The following OR6P1 variants were observed in gnomAD, a reference collection of about 807,000 sequenced individuals.
OR6P1 encodes olfactory receptor family 6 subfamily P member 1.
A neutral mutation model predicts 6.6 loss-of-function variants in OR6P1; 5 were observed. The ratio of observed to expected loss-of-function variants is 0.76; its 90% CI spans 0.40 to 1.60. The LOEUF is 1.60. OR6P1 is among the 40% of genes most tolerant of loss of function. OR6P1 has a pLI of 0.02. For missense variants in OR6P1, 451 were observed against 383.0 expected (o/e 1.18, Z -1.48); for synonymous variants, 177 against 149.6 (o/e 1.18, Z -1.33).
Position 158,561,247 on chromosome 1 carries a change from C to A in OR6P1, c.*1404G>T, listed in dbSNP as rs1647943412. Reference sequence around the variant, plus strand: ...TCTGAACTCCATGTCTCTCATAATTCTATGAAAGGAGAGGAGAATGTAATG... The same window carrying A: ...TCTGAACTCCATGTCTCTCATAATTATATGAAAGGAGAGGAGAATGTAATG... On this transcript the variant is annotated 3_prime_UTR_variant, in exon 3 of 3. Transcript: ENST00000641540. 6.6e-6 allele frequency: 1 copy of A among 152,074 alleles called. No homozygotes were observed. Among genetic ancestry groups the A allele is most frequent in the African/African-American group, 2.4e-5 (1 of 41,392 alleles). 9.4% of individuals were successfully genotyped at this position (152,074 alleles called of 1,614,324 possible).
At position 158,563,414 on chromosome 1, in the gene OR6P1, C is replaced by T. The variant is rs1375820709; in HGVS notation, c.191G>A (p.Gly64Asp). The change falls in exon 3 of 3, where the codon GGC becomes GAC. Residue 64 changes from glycine (G) to aspartate (D), a missense_variant. Physicochemically the swap from Gly to Asp is moderately conservative, Grantham distance 94. Transcript: ENST00000641540. ...CCATAGCTCCAGGAAAGAGAGATGG[C>T]CAAGGAAAAAGTACATGGGACGATG... is the stretch of plus-strand genomic sequence containing the variant. ...SLHRPMYFFL[G>D]HLSFLELWYI... 3.9e-6 allele frequency: 6 copies of T among 1,550,810 alleles called. No individual in the cohort carries two copies. The highest frequency in any genetic ancestry group is 1.2e-5 in the South Asian group (1 of 83,938).
intron 1 of OR6P1, among the ~76,000 whole-genome samples, chr1:158,567,840 A>C (rs180814178): frequency 0.014 from 2,162 of 151,620 alleles, 66 homozygotes; most frequent in African/African-American, 0.05. Flanking sequence ...CACACACACA[A>C]AAAAGAAATT....
At chr1:158,565,422 G>C (rs1444205248) in intron 2 of OR6P1, among the ~76,000 whole-genome samples, 2 of 152,024 alleles carry the variant, frequency 1.3e-5, no homozygotes, top group Non-Finnish European at 2.9e-5. Context: ...TTTCACCAAA[G>C]TCACAATTCA....
rs12080815 is a variant in OR6P1 at position 158,563,350 on chromosome 1, A to C, written c.255T>G (p.Phe85Leu). 1 of 1,551,194 alleles carries C rather than the reference A, an allele frequency of 6.4e-7. No individual in the cohort carries two copies. Among genetic ancestry groups the C allele is most frequent in the Non-Finnish European group, 8.7e-7 (1 of 1,146,854 alleles). ...NVTIPRLLAA[F>L]LTQDGRVSYV... Reference sequence around the variant, plus strand: ...AGGAGACTCTACCATCCTGGGTAAGAAAGGCTGCCAAGAGCCGAGGAATGG... The same window carrying C: ...AGGAGACTCTACCATCCTGGGTAAGCAAGGCTGCCAAGAGCCGAGGAATGG... The change falls in exon 3 of 3, where the codon TTT (phenylalanine) becomes TTG (leucine). Residue 85 changes from phenylalanine to leucine, a missense_variant. Physicochemically the swap from Phe to Leu is conservative, Grantham distance 22. Coordinates refer to ENST00000641540, the MANE Select transcript of OR6P1 (RefSeq NM_001160325.2).
chr1:158,563,077 G>T lies in OR6P1; in HGVS notation c.528C>A (p.His176Gln). Residue 176 changes from histidine (H) to glutamine (Q), a missense_variant, in exon 3 of 3, where the codon CAC becomes CAA. Coordinates refer to ENST00000641540, the MANE Select transcript of OR6P1 (RefSeq NM_001160325.2). The part of the protein sequence containing the change: ...LSYCGPNIIN[H>Q]FFCDISPLLN... ...GTAGTGGGGAAATATCACAGAAAAAGTGGTTGATAATGTTGGGTCCACAGT... is the reference window on the plus strand; with the variant it reads ...GTAGTGGGGAAATATCACAGAAAAATTGGTTGATAATGTTGGGTCCACAGT... 6.4e-7 allele frequency: 1 copy of T among 1,551,890 alleles called. No individual in the cohort carries two copies.
Position 158,563,521 on chromosome 1 carries a change from A to C in OR6P1, c.84T>G (p.Phe28Leu), listed in dbSNP as rs988609009. Residue 28 changes from phenylalanine to leucine, a missense_variant, in exon 3 of 3, where the codon TTT (phenylalanine) becomes TTG (leucine). By Grantham distance (22) the Phe-to-Leu change is conservative (BLOSUM62 0). Transcript: ENST00000641540. ...PTTPPLQLLL[F>L]VLFFAIYLLT... ...GAAGGTAAATTGCAAAAAAAAGGACAAAGAGGAGCAGCTGGAGGGGAGGCG... is the reference window on the plus strand; with the variant it reads ...GAAGGTAAATTGCAAAAAAAAGGACCAAGAGGAGCAGCTGGAGGGGAGGCG... The C allele has an allele frequency of 1.3e-5, 20 of 1,551,386 alleles. No homozygotes were observed. Among genetic ancestry groups the C allele is most frequent in the Non-Finnish European group, 1.7e-5 (20 of 1,146,946 alleles).
rs1156436638 is a variant in OR6P1, at chr1:158,561,154, A to G, written c.*1497T>C. Reference sequence around the variant, plus strand: ...AGCAGAGATGTAAAGTTTCTTGCCTATGATCACATAACTTGTTATTAGTAA... The same window carrying G: ...AGCAGAGATGTAAAGTTTCTTGCCTGTGATCACATAACTTGTTATTAGTAA... On this transcript the variant is annotated 3_prime_UTR_variant, in exon 3 of 3. Coordinates refer to ENST00000641540, the MANE Select transcript of OR6P1 (RefSeq NM_001160325.2). 6.6e-6 allele frequency: 1 copy of G among 152,184 alleles called. No individual in the cohort carries two copies. The highest frequency in any genetic ancestry group is 1.5e-5 in the Non-Finnish European group (1 of 68,006). The allele number at this position is 152,184 out of a possible 1,614,324, so 9.4% of individuals were successfully genotyped here. A position where few individuals can be genotyped will look rare whatever the true frequency, so the allele number is the denominator to read the frequency against.
At chr1:158,567,560 C>T (rs760625324) in intron 1 of OR6P1, among the ~76,000 whole-genome samples, 1,894 of 145,086 alleles carry the variant, frequency 0.013, 14 homozygotes, top group Non-Finnish European at 0.018. Context: ...AACCAAACAC[C>T]GCATATTCTC....
intron 2 of OR6P1, among the ~76,000 whole-genome samples, chr1:158,565,913 A>G (rs1648086209): frequency 6.6e-6 from 1 of 152,202 alleles, no homozygotes; most frequent in Non-Finnish European, 1.5e-5. Flanking sequence ...ATTCAGTAAC[A>G]TATCATCAAA....
intron 2 of OR6P1, among the ~76,000 whole-genome samples, chr1:158,564,118 G>A (rs1359228396): frequency 6.6e-6 from 1 of 152,206 alleles, no homozygotes; most frequent in African/African-American, 2.4e-5. Flanking sequence ...GCAGTATGAA[G>A]ATTGCTCTGA....
rs754375931 is a variant in OR6P1 at position 158,560,860 on chromosome 1, A to T, written c.*1791T>A. ...AAGTAGCTTGAAGCTATTATTTCCC[A>T]CTAGATATCCTTAATACATTCATCA... On this transcript the variant is annotated 3_prime_UTR_variant, in exon 3 of 3. Transcript: ENST00000641540. The T allele has an allele frequency of 1.3e-5, 2 of 152,160 alleles. No homozygotes were observed. Among genetic ancestry groups the T allele is most frequent in the Non-Finnish European group, 2.9e-5 (2 of 68,022 alleles). 9.4% of individuals were successfully genotyped at this position (152,160 alleles called of 1,614,324 possible).
Position 158,562,501 on chromosome 1 carries a change from T to C in OR6P1, c.*150A>G. The C allele has an allele frequency of 1.7e-6, 1 of 603,146 alleles. No individual in the cohort carries two copies. The highest frequency in any genetic ancestry group is 2.9e-6 in the Non-Finnish European group (1 of 342,610). 37.4% of individuals were successfully genotyped at this position (603,146 alleles called of 1,614,324 possible). ...ACCCCTGTAAAAAATAAATGATTCA[T>C]AAAGTTTCATTTGTATCAGAAGGTC... On this transcript the variant is annotated 3_prime_UTR_variant, in exon 3 of 3. Coordinates refer to ENST00000641540, the MANE Select transcript of OR6P1 (RefSeq NM_001160325.2).
chr1:158,568,370 C>T (rs999724624), intron 1 of OR6P1, among the ~76,000 whole-genome samples: 1 of 152,148 alleles, frequency 6.6e-6, no homozygotes, highest in Non-Finnish European at 1.5e-5. Context: ...CCTTCCTCCT[C>T]TATTAGTGCT....
chr1:158,566,554 T>C (rs897492861), intron 2 of OR6P1, among the ~76,000 whole-genome samples: 6 of 152,194 alleles, frequency 3.9e-5, no homozygotes, highest in African/African-American at 1.4e-4. Flanking sequence ...TCCTTACCCC[T>C]CTATTATCAG....
intron 1 of OR6P1, among the ~76,000 whole-genome samples, chr1:158,569,168 T>A (rs912716973): frequency 6.6e-6 from 1 of 152,170 alleles, no homozygotes; most frequent in African/African-American, 2.4e-5. Context: ...CTGAGAATTA[T>A]TTGCCCATAA....
chr1:158,563,853 T>C (rs1179727096), intron 2 of OR6P1, among the ~76,000 whole-genome samples: 1 of 152,238 alleles, frequency 6.6e-6, no homozygotes, highest in Non-Finnish European at 1.5e-5. Flanking sequence ...GATAAATACT[T>C]TCTGAGTGAT....
At chr1:158,570,017 T>G (rs73014258) in intron 1 of OR6P1, among the ~76,000 whole-genome samples, 1,708 of 152,350 alleles carry the variant, frequency 0.011, 25 homozygotes, top group African/African-American at 0.039. Flanking sequence ...GATATAGACT[T>G]AATATGATAG....
rs1271589082 is a variant in OR6P1 at position 158,563,516 on chromosome 1, A to T, written c.89T>A (p.Leu30His). 6.4e-7 allele frequency: 1 copy of T among 1,551,566 alleles called. No homozygotes were observed. The highest frequency in any genetic ancestry group is 2.0e-5 in the Admixed American group (1 of 50,944). ...TGTCAGAAGGTAAATTGCAAAAAAAAGGACAAAGAGGAGCAGCTGGAGGGG... is the reference window on the plus strand; with the variant it reads ...TGTCAGAAGGTAAATTGCAAAAAAATGGACAAAGAGGAGCAGCTGGAGGGG... ...TPPLQLLLFVLFFAIYLLTLL... is the reference protein window; with the variant it reads ...TPPLQLLLFVHFFAIYLLTLL... Residue 30 changes from leucine to histidine, a missense_variant, in exon 3 of 3, where the codon CTT becomes CAT. Coordinates refer to ENST00000641540, the MANE Select transcript of OR6P1 (RefSeq NM_001160325.2).
Position 158,563,692 on chromosome 1 carries a change from T to C in OR6P1, c.-22-66A>G, listed in dbSNP as rs139783601. On this transcript the variant is annotated intron_variant, in intron 2 of 2. Transcript: ENST00000641540. The stretch of plus-strand genomic sequence containing the variant: ...GCTGCAACAAACCACCAACATACTC[T>C]CACAGGTTATAACCACTGAAGAGCT... 145 of 788,046 alleles carry C rather than the reference T, an allele frequency of 1.8e-4. No individual in the cohort carries two copies. The African/African-American group carries it at 2.4e-3, about 13-fold the overall frequency. 48.8% of individuals were successfully genotyped at this position (788,046 alleles called of 1,614,324 possible). A position where few individuals can be genotyped will look rare whatever the true frequency, so the allele number is the denominator to read the frequency against.
Sources: gnomAD v4.1 joint callset for allele counts (sites outside exome capture counted in the v4.1 genomes callset) on GRCh38, gnomAD v4.1.1 for gene constraint, MANE v1.5 for transcripts, NCBI Gene and HGNC (gene_info 2026-07-23, HGNC 2026-07-21) for gene names.